Variants in TMEM184C observed in about 807,000 individuals in gnomAD.
TMEM184C encodes the protein transmembrane protein 184C.
A neutral mutation model predicts 54.5 loss-of-function variants in TMEM184C; 25 were observed. The ratio of observed to expected loss-of-function variants is 0.46; its 90% CI spans 0.33 to 0.64. The LOEUF (loss-of-function observed/expected upper bound fraction) is 0.64. TMEM184C is among the 30% of genes least tolerant of loss of function. TMEM184C has a pLI of 0.02. For synonymous variants in TMEM184C, 148 were observed against 181.5 expected, an observed-to-expected ratio of 0.82 and a Z score of 1.49; for missense variants, 335 against 520.3, an observed-to-expected ratio of 0.64 and a Z score of 3.46.
At chr4:147,626,267 G>A (rs1560952791) in intron 4 of TMEM184C, among the ~76,000 whole-genome samples, 1 of 152,180 alleles carries the variant, frequency 6.6e-6, no homozygotes, top group African/African-American at 2.4e-5. Context: ...TTGCTTTGGG[G>A]CAGGGCTATT....
In TMEM184C at chr4:147,618,037, G is replaced by A; in HGVS notation, c.81G>A (p.Val27=). The A allele has an allele frequency of 6.2e-7, 1 of 1,614,154 alleles. No individual in the cohort carries two copies. Among genetic ancestry groups the A allele is most frequent in the Admixed American group, 1.7e-5 (1 of 60,026 alleles). ...LVAVIYLVSI[V]VAVPLCVWEL... ...CGGTCATCTACCTGGTGTCAATAGT[G>A]GTTGCGGTTCCCCTATGCGTGTGGG... The change falls in exon 1 of 10, where the codon GTG becomes GTA. Residue 27 remains valine, a synonymous_variant. Coordinates refer to ENST00000296582, the MANE Select transcript of TMEM184C (RefSeq NM_018241.3).
rs1408949390 is a variant in TMEM184C at position 147,635,128 on chromosome 4, A to AACTT, written c.*696_*699dup. Reference sequence around the variant, plus strand: ...ATAATGCAGAAATACGAATTAGTGGAACTTAATCATGTGCCATATAAGCTT... The same window carrying AACTT: ...ATAATGCAGAAATACGAATTAGTGGAACTTACTTAATCATGTGCCATATAAGCTT... On this transcript the variant is annotated 3_prime_UTR_variant, in exon 10 of 10. Coordinates refer to ENST00000296582, the MANE Select transcript of TMEM184C (RefSeq NM_018241.3). 1 of 152,210 alleles carries AACTT rather than the reference A, an allele frequency of 6.6e-6. No individual in the cohort carries two copies. Among genetic ancestry groups the AACTT allele is most frequent in the Non-Finnish European group, 1.5e-5 (1 of 68,032 alleles). 9.4% of individuals were successfully genotyped at this position (152,210 alleles called of 1,614,324 possible).
intron 1 of TMEM184C, among the ~76,000 whole-genome samples, chr4:147,622,748 T>C (rs1732735727): frequency 6.6e-6 from 1 of 152,164 alleles, no homozygotes; most frequent in Non-Finnish European, 1.5e-5. Flanking sequence ...TCAGTAAGAC[T>C]TTGTATTAGC....
intron 3 of TMEM184C, 70 bp from the exon 4 acceptor site, chr4:147,624,734 T>C: frequency 6.9e-7 from 1 of 1,444,650 alleles, no homozygotes; most frequent in Non-Finnish European, 9.6e-7. Context: ...TTATTGTGAG[T>C]ACCATGAATG....
intron 7 of TMEM184C, 143 bp downstream of exon 7, chr4:147,631,648 C>G (rs1480315325): frequency 1.5e-6 from 1 of 647,812 alleles, no homozygotes; most frequent in Admixed American, 3.5e-5. Flanking sequence ...TCTTTTTAGC[C>G]CTTCTACAAT....
intron 7 of TMEM184C, 51 bp downstream of exon 7, chr4:147,631,556 A>T (rs1407073517): frequency 7.4e-7 from 1 of 1,356,242 alleles, no homozygotes; most frequent in African/African-American, 1.5e-5. Context: ...GGCAGTAAAA[A>T]CCGTTGATTA....
intron 4 of TMEM184C, 30 bp downstream of exon 4, chr4:147,625,039 T>G (rs1007965791): frequency 6.2e-7 from 1 of 1,609,718 alleles, no homozygotes; most frequent in African/African-American, 1.3e-5. Flanking sequence ...TTCTTTTATG[T>G]TTTGGTTTTT....
At chr4:147,620,469 CA>C (rs1732688439) in intron 1 of TMEM184C, among the ~76,000 whole-genome samples, 1 of 152,180 alleles carries the variant, frequency 6.6e-6, no homozygotes, top group South Asian at 2.1e-4. Context: ...AGTCTAATTG[CA>C]TAACTTCAAA....
intron 1 of TMEM184C, among the ~76,000 whole-genome samples, chr4:147,620,409 A>C (rs1348932045): frequency 1.3e-5 from 2 of 152,248 alleles, no homozygotes; most frequent in Non-Finnish European, 2.9e-5. Context: ...AAATTGTATA[A>C]AATGCTGTGG....
intron 4 of TMEM184C, among the ~76,000 whole-genome samples, chr4:147,625,836 G>C (rs1298646458): frequency 6.6e-6 from 1 of 152,152 alleles, no homozygotes; most frequent in East Asian, 1.9e-4. Flanking sequence ...AAAAGATAAA[G>C]AGTAATTCAG....
At chr4:147,629,772 A>G (rs1266928779) in intron 6 of TMEM184C, 80 bp downstream of exon 6, 1 of 918,578 alleles carries the variant, frequency 1.1e-6, no homozygotes, top group African/African-American at 1.7e-5. Flanking sequence ...GTTTCTTCTT[A>G]GGATAAGGCT....
chr4:147,633,367 T>C (rs952117281), intron 8 of TMEM184C, among the ~76,000 whole-genome samples: 1 of 150,140 alleles, frequency 6.7e-6, no homozygotes, highest in Admixed American at 6.7e-5. Flanking sequence ...AAGGCCAACG[T>C]TGGGGGATCA....
Position 147,634,607 on chromosome 4 carries a change from T to A in TMEM184C, c.*173T>A. ...GTAAGTTTTGTATATCAAAAATAAT[T>A]GGTCTAAATTTCCTAGACTTAGACT... is the stretch of plus-strand genomic sequence containing the variant. On this transcript the variant is annotated 3_prime_UTR_variant, in exon 10 of 10. Coordinates refer to ENST00000296582, the MANE Select transcript of TMEM184C (RefSeq NM_018241.3). The A allele has an allele frequency of 1.5e-6, 1 of 684,072 alleles. No individual in the cohort carries two copies. Among genetic ancestry groups the A allele is most frequent in the Non-Finnish European group, 2.3e-6 (1 of 427,800 alleles). The allele number at this position is 684,072 out of a possible 1,614,324, so 42.4% of individuals were successfully genotyped here.
rs775726409 is a variant in TMEM184C at position 147,634,164 on chromosome 4, T to C, written c.1052-5T>C. Reference sequence around the variant, plus strand: ...TTTTGACTAACAGAAAACTTTATATTAAAGGACGGACAGTCAGGGGACATC... The same window carrying C: ...TTTTGACTAACAGAAAACTTTATATCAAAGGACGGACAGTCAGGGGACATC... On this transcript the variant is annotated splice_polypyrimidine_tract_variant and splice_region_variant and intron_variant, in intron 9 of 9. Transcript: ENST00000296582. The C allele has an allele frequency of 3.7e-6, 6 of 1,609,586 alleles. No homozygotes were observed. The highest frequency in any genetic ancestry group is 2.2e-5 in the East Asian group (1 of 44,824).
rs1361003917 is a variant in TMEM184C, at chr4:147,618,059, T to G, written c.103T>G (p.Trp35Gly). Residue 35 changes from tryptophan (W) to glycine (G), a missense_variant, in exon 1 of 10, where the codon TGG becomes GGG. Physicochemically the swap from Trp to Gly is radical, Grantham distance 184. Coordinates refer to ENST00000296582, the MANE Select transcript of TMEM184C (RefSeq NM_018241.3). Reference sequence around the variant, plus strand: ...AGTGGTTGCGGTTCCCCTATGCGTGTGGGAATTACAGAAACTGGAGGTAAG... The same window carrying G: ...AGTGGTTGCGGTTCCCCTATGCGTGGGGGAATTACAGAAACTGGAGGTAAG... ...SIVVAVPLCVWELQKLEVGIH... is the reference protein window; with the variant it reads ...SIVVAVPLCVGELQKLEVGIH... The G allele has an allele frequency of 6.2e-7, 1 of 1,614,002 alleles. No homozygotes were observed. The highest frequency in any genetic ancestry group is 8.5e-7 in the Non-Finnish European group (1 of 1,180,014).
At chr4:147,632,394 G>A (rs904783695) in intron 7 of TMEM184C, among the ~76,000 whole-genome samples, 1 of 151,966 alleles carries the variant, frequency 6.6e-6, no homozygotes, top group African/African-American at 2.4e-5. Flanking sequence ...ATTCGACAAT[G>A]TTCAGTAGTA....
chr4:147,630,175 TG>T (rs1578861041), intron 6 of TMEM184C, among the ~76,000 whole-genome samples: 2 of 152,152 alleles, frequency 1.3e-5, no homozygotes, highest in East Asian at 3.9e-4. Flanking sequence ...TTTAAAAAAA[TG>T]GATGATGTTC....
intron 1 of TMEM184C, among the ~76,000 whole-genome samples, chr4:147,621,476 ATG>A (rs1277778450): frequency 2.0e-5 from 3 of 152,222 alleles, no homozygotes; most frequent in African/African-American, 7.2e-5. Flanking sequence ...ATCTACATCA[ATG>A]TGTCTCAAAT....
chr4:147,626,697 T>G (rs1225537428), intron 4 of TMEM184C, among the ~76,000 whole-genome samples: 5 of 152,148 alleles, frequency 3.3e-5, no homozygotes. Context: ...TATAAAGAAA[T>G]ACCTTAGTGC....
Sources: gnomAD v4.1 joint callset for allele counts (sites outside exome capture counted in the v4.1 genomes callset) on GRCh38, gnomAD v4.1.1 for gene constraint, MANE v1.5 for transcripts, NCBI Gene and HGNC (gene_info 2026-07-23, HGNC 2026-07-21) for gene names.